The following HEATR4 variants were observed in gnomAD, a reference collection of about 807,000 sequenced individuals.
The protein encoded by HEATR4 is HEAT repeat containing 4.
HEATR4 carries 95 observed loss-of-function variants against 108.8 expected under a neutral mutation model. That is an observed-to-expected ratio of 0.87 (90% CI 0.74 to 1.04). The LOEUF is 1.04. Among genes scored for constraint, HEATR4 ranks in the 50% least tolerant of loss-of-function variants. The pLI, the probability that HEATR4 is intolerant of heterozygous loss-of-function variation, is 0.00. For synonymous variants in HEATR4, 443 were observed against 459.4 expected, an observed-to-expected ratio of 0.96 and a Z score of 0.46; for missense variants, 1,152 against 1,253.8, an observed-to-expected ratio of 0.92 and a Z score of 1.23.
chr14:73,619,095 A>C, the HEATR4 span: 2 of 1,113,712 alleles, frequency 1.8e-6, no homozygotes, highest in Non-Finnish European at 2.5e-6. Context: ...GCACCACTGC[A>C]CTCCAGCCTG....
rs144497759 is a variant in HEATR4 at position 73,512,038 on chromosome 14, C to T, written c.1526G>A (p.Arg509Gln). The T allele has an allele frequency of 7.9e-5, 127 of 1,614,042 alleles. No individual in the cohort carries two copies. The highest frequency in any genetic ancestry group is 4.9e-4 in the South Asian group (45 of 91,080). The change falls in exon 7 of 18, where the codon CGG (arginine) becomes CAG (glutamine). Residue 509 changes from arginine (R) to glutamine (Q), a missense_variant. Transcript: ENST00000553558. ...ITTCATAALE[R>Q]PRIATSQRDS... Reference sequence around the variant, plus strand: ...TCTCTGGCTGGTGGCAATCCGGGGCCGTTCCAAAGCAGCTGTGGCACATGT... The same window carrying T: ...TCTCTGGCTGGTGGCAATCCGGGGCTGTTCCAAAGCAGCTGTGGCACATGT...
intron 7 of HEATR4, among the ~76,000 whole-genome samples, chr14:73,509,866 A>ATTTATATATTTATATATT (rs1566832350): frequency 1.2e-4 from 8 of 67,512 alleles, no homozygotes; most frequent in African/African-American, 5.0e-4. Context: ...ATATATATAT[A>ATTTATATATTTATATATT]TATTTATTTA....
chr14:73,529,735 G>A (rs748316047), intron 2 of HEATR4, among the ~76,000 whole-genome samples: 54 of 151,848 alleles, frequency 3.6e-4, no homozygotes, highest in Non-Finnish European at 6.6e-4. Flanking sequence ...GTTGAGTAAC[G>A]TGTGCTAAAA....
chr14:73,507,005 T>C (rs922751599), intron 9 of HEATR4, among the ~76,000 whole-genome samples: 1 of 151,940 alleles, frequency 6.6e-6, no homozygotes, highest in Non-Finnish European at 1.5e-5. Context: ...TTTACCATGT[T>C]GGTGCCAGGC....
the HEATR4 span, among the ~76,000 whole-genome samples, chr14:73,611,815 T>A: frequency 6.6e-6 from 1 of 152,102 alleles, no homozygotes; most frequent in Non-Finnish European, 1.5e-5. Flanking sequence ...AACATCTGCT[T>A]TGCTCCAGGT....
At chr14:73,579,530 G>A in the HEATR4 span, among the ~76,000 whole-genome samples, 10 of 145,902 alleles carry the variant, frequency 6.9e-5, no homozygotes, top group Admixed American at 4.2e-4. Context: ...AGCCGAGATC[G>A]TGCCACTGCA....
chr14:73,596,225 G>C, the HEATR4 span: 1 of 152,482 alleles, frequency 6.6e-6, no homozygotes, highest in South Asian at 2.1e-4. Context: ...GCAGACCCTG[G>C]GGCCGAGTAC....
In HEATR4 at chr14:73,532,982, A is replaced by G. The variant is rs1332415072; in HGVS notation, c.-151-2738T>C. Among the ~76,000 whole-genome samples the G allele has an allele frequency of 3.5e-5, 4 of 113,250 alleles. 1 individual carries two copies. Among genetic ancestry groups the G allele is most frequent in the Admixed American group, 3.0e-4 (3 of 10,020 alleles). The allele number at this position is 113,250 out of a possible 152,430, so 74.3% of individuals were successfully genotyped here. A position where few individuals can be genotyped will look rare whatever the true frequency, so the allele number is the denominator to read the frequency against. On this transcript the variant is annotated intron_variant, in intron 1 of 17. Transcript: ENST00000553558. Reference sequence around the variant, plus strand: ...AAAAATAAATAAATAAATAAAAAGAAAAGAAAAGTAAAGACTAAAAAAATT... The same window carrying G: ...AAAAATAAATAAATAAATAAAAAGAGAAGAAAAGTAAAGACTAAAAAAATT...
At chr14:73,500,049 G>A (rs1297333387) in intron 12 of HEATR4, among the ~76,000 whole-genome samples, 3 of 152,188 alleles carry the variant, frequency 2.0e-5, no homozygotes, top group Non-Finnish European at 4.4e-5. Context: ...CTAACACGGT[G>A]AAACCCCATC....
chr14:73,520,115 T>C (rs1316261035), intron 4 of HEATR4: 1 of 152,200 alleles, frequency 6.6e-6, no homozygotes, highest in Non-Finnish European at 1.5e-5. Flanking sequence ...TAGAGTAATT[T>C]TGTTAAACAC....
the HEATR4 span, among the ~76,000 whole-genome samples, chr14:73,580,326 T>C: frequency 6.6e-6 from 1 of 152,038 alleles, no homozygotes. Context: ...CAGCGTCTTA[T>C]GTTGCCCAGG....
At chr14:73,564,211 T>C in the HEATR4 span, among the ~76,000 whole-genome samples, 1 of 150,668 alleles carries the variant, frequency 6.6e-6, no homozygotes, top group African/African-American at 2.4e-5. Flanking sequence ...GGCAGGTGAA[T>C]CGCTGGAACC....
the HEATR4 span, among the ~76,000 whole-genome samples, chr14:73,605,519 A>G: frequency 6.9e-6 from 1 of 145,246 alleles, no homozygotes; most frequent in South Asian, 2.2e-4. Flanking sequence ...ATTAGAAATC[A>G]TGGTTTAGGA....
rs1260373922 is a variant in HEATR4 at position 73,558,444 on chromosome 14, C to T, written c.-152+307G>A. On this transcript the variant is annotated intron_variant, in intron 1 of 17. Coordinates refer to ENST00000553558, the MANE Select transcript of HEATR4 (RefSeq NM_001220484.1). ...TGATCATGACTCACTGCAGCCTTGA[C>T]CTCCTGGGCTCAAGCAATCCTCCCA... Among the ~76,000 whole-genome samples the T allele has an allele frequency of 8.8e-5, 12 of 136,092 alleles. No homozygotes were observed. The East Asian group carries it at 2.6e-3, about 30-fold the overall frequency. The allele number at this position is 136,092 out of a possible 152,430, so 89.3% of individuals were successfully genotyped here.
Position 73,509,417 on chromosome 14 carries a change from A to T in HEATR4, c.1615T>A (p.Cys539Ser), listed in dbSNP as rs1887061552. ...ATCCGCACATGGGCATTCTTGTCAC[A>T]AAGAGCAGCCTCTAGGGCAGGCAGT... ...VLLPALEAAL[C>S]DKNAHVRMAA... is the part of the protein sequence containing the mutation. The change falls in exon 8 of 18, where the codon TGT becomes AGT. Residue 539 changes from cysteine to serine, a missense_variant. Transcript: ENST00000553558. 1.2e-6 allele frequency: 2 copies of T among 1,614,002 alleles called. No individual in the cohort carries two copies. The highest frequency in any genetic ancestry group is 2.7e-5 in the African/African-American group (2 of 74,902).
At chr14:73,551,405 A>G (rs186218981) in intron 1 of HEATR4, among the ~76,000 whole-genome samples, 114 of 115,224 alleles carry the variant, frequency 9.9e-4, no homozygotes, top group African/African-American at 3.1e-3. Flanking sequence ...AGTTGGTGCC[A>G]GAGGGCCAGA....
intron 5 of HEATR4, among the ~76,000 whole-genome samples, chr14:73,517,876 C>G (rs1238784579): frequency 6.6e-6 from 1 of 151,984 alleles, no homozygotes; most frequent in Non-Finnish European, 1.5e-5. Context: ...ATCACGAGGT[C>G]AAGAGATCAA....
intron 10 of HEATR4, among the ~76,000 whole-genome samples, chr14:73,503,591 T>G (rs1341556255): frequency 6.6e-6 from 1 of 152,218 alleles, no homozygotes; most frequent in Non-Finnish European, 1.5e-5. Flanking sequence ...GTAGTCTTCC[T>G]TTAGGATTTA....
At chr14:73,590,411 C>T in the HEATR4 span, among the ~76,000 whole-genome samples, 6 of 152,284 alleles carry the variant, frequency 3.9e-5, no homozygotes, top group Non-Finnish European at 7.3e-5. Context: ...GTCCAGCTGG[C>T]TTCACCCAGT....
Sources: gnomAD v4.1 joint callset for allele counts (sites outside exome capture counted in the v4.1 genomes callset) on GRCh38, gnomAD v4.1.1 for gene constraint, MANE v1.5 for transcripts, NCBI Gene and HGNC (gene_info 2026-07-23, HGNC 2026-07-21) for gene names.